The following ZNF415 variants were observed in gnomAD, a reference collection of about 807,000 sequenced individuals.
ZNF415 encodes zinc finger protein 415.
Under a neutral mutation model 7.3 loss-of-function variants are expected in ZNF415, and 5 were observed. The observed-to-expected ratio is 0.69, with a 90% confidence interval of 0.36 to 1.44. The LOEUF (loss-of-function observed/expected upper bound fraction) is 1.44. ZNF415 is among the 40% of genes most tolerant of loss of function. ZNF415 has a pLI of 0.04. For synonymous variants in ZNF415, 207 were observed against 226.3 expected (o/e 0.91, Z 0.77); for missense variants, 628 against 664.8 (o/e 0.94, Z 0.61).
At chr19:53,112,324 C>A (rs2086356297) in intron 3 of ZNF415, among the ~76,000 whole-genome samples, 1 of 152,162 alleles carries the variant, frequency 6.6e-6, no homozygotes, top group African/African-American at 2.4e-5. Flanking sequence ...GGAAAACTAT[C>A]AGTCACAGCA....
rs566650928 is a variant in ZNF415 at position 53,131,651 on chromosome 19, C to T, written c.-68+1205G>A. Among the ~76,000 whole-genome samples, 4 of 152,192 alleles carry T rather than the reference C, an allele frequency of 2.6e-5. No homozygotes were observed. In the South Asian group the frequency reaches 8.3e-4, roughly 32 times the overall value. On this transcript the variant is annotated intron_variant, in intron 1 of 3. Coordinates refer to ENST00000243643, the MANE Select transcript of ZNF415 (RefSeq NM_018355.4). ...AGGATTCTGCTCATTTTGAGCCCCT[C>T]TCCTCTCCTGCTGCTCCTCCCCGTC...
intron 3 of ZNF415, among the ~76,000 whole-genome samples, chr19:53,110,763 T>C (rs902616971): frequency 7.2e-5 from 11 of 152,210 alleles, no homozygotes; most frequent in Non-Finnish European, 1.2e-4. Context: ...ATCTCTGACA[T>C]TTGATGCATG....
chr19:53,126,662 T>C (rs2584275), intron 1 of ZNF415, among the ~76,000 whole-genome samples: 23,643 of 114,780 alleles, frequency 0.21, 1,814 homozygotes, highest in Middle Eastern at 0.27. Context: ...GAGAGGACAA[T>C]GGGGAAAGGG....
At chr19:53,122,441 G>A (rs576960478) in intron 2 of ZNF415, 6 of 1,539,684 alleles carry the variant, frequency 3.9e-6, no homozygotes, top group Non-Finnish European at 5.2e-6. Context: ...GCCCTTCCCA[G>A]GACCATGCCC....
At chr19:53,116,080 G>A (rs939118538) in intron 3 of ZNF415, 12 of 615,974 alleles carry the variant, frequency 1.9e-5, no homozygotes, top group Non-Finnish European at 3.4e-5. Flanking sequence ...TCTACCATAA[G>A]CTTTCATGGA....
intron 1 of ZNF415, among the ~76,000 whole-genome samples, chr19:53,127,785 G>A (rs1363332587): frequency 2.7e-5 from 4 of 150,486 alleles, no homozygotes; most frequent in East Asian, 1.9e-4. Context: ...GCTGAGGCAC[G>A]CGAATCGCTT....
Position 53,116,439 on chromosome 19 carries a change from C to T in ZNF415, c.16-6G>A, listed in dbSNP as rs138117596. On this transcript the variant is annotated splice_polypyrimidine_tract_variant and splice_region_variant and intron_variant, in intron 2 of 3. Coordinates refer to ENST00000243643, the MANE Select transcript of ZNF415 (RefSeq NM_018355.4). The stretch of plus-strand genomic sequence containing the variant: ...GCCACGTCCCTGAATGTCAACTGTC[C>T]GTAAAATAATAAACACATTTCACCA... 286 of 1,613,860 alleles carry T rather than the reference C, an allele frequency of 1.8e-4. 2 individuals are homozygous for T. In the East Asian group the frequency reaches 2.9e-3, roughly 16 times the overall value.
rs746926332 is a variant in ZNF415, at chr19:53,109,552, C to T, written c.493G>A (p.Val165Ile). 2 of 1,614,084 alleles carry T rather than the reference C, an allele frequency of 1.2e-6. No homozygotes were observed. The highest frequency in any genetic ancestry group is 1.7e-6 in the Non-Finnish European group (2 of 1,179,998). Residue 165 changes from valine to isoleucine, a missense_variant, in exon 4 of 4, where the codon GTT becomes ATT. Coordinates refer to ENST00000243643, the MANE Select transcript of ZNF415 (RefSeq NM_018355.4). ...GAACCATGGTTGACAGACTTCTCAA[C>T]ATGGTTACATTCATAAATTTTCCCT... Reference protein sequence around the residue: ...AEGKIYECNHVEKSVNHGSSV... With the variant: ...AEGKIYECNHIEKSVNHGSSV...
In ZNF415 at chr19:53,124,211, C is replaced by A. The variant is rs144605254; in HGVS notation, c.-67-1468G>T. 5.2e-3 allele frequency: 790 copies of A among 150,932 alleles called. 3 individuals are homozygous for A. The highest frequency in any genetic ancestry group is 7.6e-3 in the Non-Finnish European group (518 of 68,070). The allele number at this position is 150,932 out of a possible 1,614,324, so 9.3% of individuals were successfully genotyped here. On this transcript the variant is annotated intron_variant, in intron 1 of 3. Transcript: ENST00000243643. ...GCCGAGATCGCGCCACTGCTACAGC[C>A]TGGGCAACAAGAGAAAAACTCCGTC...
intron 3 of ZNF415, among the ~76,000 whole-genome samples, chr19:53,114,684 C>T (rs1375831739): frequency 6.6e-6 from 1 of 152,158 alleles, no homozygotes; most frequent in Non-Finnish European, 1.5e-5. Flanking sequence ...AGACGTACTC[C>T]CTGTGTAGGA....
chr19:53,114,277 T>A (rs1349427323), intron 3 of ZNF415, among the ~76,000 whole-genome samples: 1 of 152,062 alleles, frequency 6.6e-6, no homozygotes, highest in Admixed American at 6.6e-5. Flanking sequence ...CCTGGGGTCA[T>A]GTGATTCTCC....
Position 53,109,380 on chromosome 19 carries a change from T to C in ZNF415, c.665A>G (p.Asp222Gly). ...REKPYRYIECDKALNHGSHMT... is the reference protein window; with the variant it reads ...REKPYRYIECGKALNHGSHMT... Reference sequence around the variant, plus strand: ...GTGTGAGCCATGATTCAAGGCTTTGTCGCACTCAATATATCTGTAAGGTTT... The same window carrying C: ...GTGTGAGCCATGATTCAAGGCTTTGCCGCACTCAATATATCTGTAAGGTTT... Residue 222 changes from aspartate (D) to glycine (G), a missense_variant, in exon 4 of 4, where the codon GAC becomes GGC. Coordinates refer to ENST00000243643, the MANE Select transcript of ZNF415 (RefSeq NM_018355.4). The C allele has an allele frequency of 2.5e-6, 4 of 1,614,184 alleles. No homozygotes were observed. Among genetic ancestry groups the C allele is most frequent in the Non-Finnish European group, 3.4e-6 (4 of 1,180,008 alleles).
chr19:53,123,854 T>C (rs1601244680), intron 1 of ZNF415: 3 of 308,324 alleles, frequency 9.7e-6, no homozygotes, highest in Non-Finnish European at 1.7e-5. Context: ...ATCTGAGATG[T>C]GCAGGACTGC....
intron 1 of ZNF415, among the ~76,000 whole-genome samples, chr19:53,124,712 C>T (rs1363347993): frequency 6.6e-6 from 1 of 152,010 alleles, no homozygotes. Flanking sequence ...GATCCCAAGC[C>T]CTGAGACAGG....
chr19:53,122,495 G>A (rs2088274172), intron 2 of ZNF415, 167 bp downstream of exon 2: 11 of 1,576,300 alleles, frequency 7.0e-6, no homozygotes, highest in Admixed American at 5.5e-5. Context: ...AGGGTGAGAC[G>A]GAATCTCAGT....
chr19:53,129,554 A>G (rs1276923624), intron 1 of ZNF415: 1 of 403,010 alleles, frequency 2.5e-6, no homozygotes, highest in African/African-American at 2.1e-5. Context: ...TTTTGCCCCA[A>G]ATTTCAGGAG....
intron 3 of ZNF415, among the ~76,000 whole-genome samples, chr19:53,112,088 C>G (rs1992476): frequency 0.44 from 66,497 of 151,840 alleles, 15,560 homozygotes; most frequent in East Asian, 0.59. Flanking sequence ...ATTACAGGCA[C>G]CTGCCACCAT....
chr19:53,109,122 A>C lies in ZNF415; in HGVS notation c.923T>G (p.Val308Gly). The C allele has an allele frequency of 6.2e-7, 1 of 1,613,798 alleles. No homozygotes were observed. The highest frequency in any genetic ancestry group is 8.5e-7 in the Non-Finnish European group (1 of 1,179,964). Reference protein sequence around the residue: ...KPYKCYECDKVFSRNSCLALH... With the variant: ...KPYKCYECDKGFSRNSCLALH... ...TGCAAGGCATGAATTTCGACTGAAG[A>C]CCTTGTCACACTCATAACATTTGTA... Residue 308 changes from valine to glycine, a missense_variant, in exon 4 of 4, where the codon GTC becomes GGC. By Grantham distance (109) the Val-to-Gly change is moderately radical. Coordinates refer to ENST00000243643, the MANE Select transcript of ZNF415 (RefSeq NM_018355.4).
chr19:53,116,821 A>C (rs936220248), intron 2 of ZNF415, among the ~76,000 whole-genome samples: 3 of 152,104 alleles, frequency 2.0e-5, no homozygotes, highest in Non-Finnish European at 2.9e-5. Flanking sequence ...CAAAAGAAAA[A>C]ATTTCAGAAC....
Sources: gnomAD v4.1 joint callset for allele counts (sites outside exome capture counted in the v4.1 genomes callset) on GRCh38, gnomAD v4.1.1 for gene constraint, MANE v1.5 for transcripts, NCBI Gene and HGNC (gene_info 2026-07-23, HGNC 2026-07-21) for gene names.